Variants in CSF2RA observed in about 807,000 individuals in gnomAD.
CSF2RA encodes the protein colony stimulating factor 2 receptor subunit alpha, also known as granulocyte-macrophage colony-stimulating factor receptor subunit alpha.
Under a neutral mutation model 51.6 loss-of-function variants are expected in CSF2RA, and 42 were observed. The observed-to-expected ratio is 0.81, with a 90% CI of 0.64 to 1.05. The LOEUF (loss-of-function observed/expected upper bound fraction) is 1.05, where lower values mean the gene tolerates loss of function less well. CSF2RA is among the 50% of genes least tolerant of loss of function. The probability of loss-of-function intolerance (pLI) is 0.00; values close to 1 mark genes in which losing one functional copy is unlikely to be tolerated. For synonymous variants in CSF2RA, 222 were observed against 193.0 expected (o/e 1.15, Z -1.24); for missense variants, 530 against 501.1 (o/e 1.06, Z -0.55).
chrX:1,305,749 A>G, intron 12 of CSF2RA: 5 of 1,551,756 alleles, frequency 3.2e-6, no homozygotes, highest in Non-Finnish European at 3.5e-6. Flanking sequence ...CCATCAGGAG[A>G]AACTGAGGCA....
Position 1,288,905 on chromosome X carries a change from T to A in CSF2RA, c.473+17T>A, listed in dbSNP as rs748398430. On this transcript the variant is annotated intron_variant, in intron 6 of 12. Transcript: ENST00000381529. ...AAACTCAAAGTAAGTGTTCACCTCATGTGAAGAATTATGAGGAATGCAGGG... is the reference window on the plus strand; with the variant it reads ...AAACTCAAAGTAAGTGTTCACCTCAAGTGAAGAATTATGAGGAATGCAGGG... 4.3e-5 allele frequency: 14 copies of A among 323,326 alleles called. No individual in the cohort carries two copies. In the East Asian group the frequency reaches 1.1e-3, roughly 26 times the overall value. The allele number at this position is 323,326 out of a possible 1,614,324, so 20.0% of individuals were successfully genotyped here.
At chrX:1,302,707 A>T (rs1286401562) in intron 10 of CSF2RA, among the ~76,000 whole-genome samples, 2 of 140,590 alleles carry the variant, frequency 1.4e-5, no homozygotes, top group African/African-American at 2.7e-5. Context: ...TTATTTATTT[A>T]TTTTGAGATG....
chrX:1,323,736 T>C, the CSF2RA span, among the ~76,000 whole-genome samples: 473 of 151,322 alleles, frequency 3.1e-3, no homozygotes, highest in East Asian at 0.024. Flanking sequence ...AAATGCAGGC[T>C]GGGCGCAGTG....
intron 3 of CSF2RA, chrX:1,285,555 C>A: frequency 1.7e-6 from 1 of 601,750 alleles, no homozygotes; most frequent in Non-Finnish European, 2.9e-6. Context: ...ATTAGCTGGG[C>A]ATGGTGGTCG....
At chrX:1,318,797 A>T in the CSF2RA span, among the ~76,000 whole-genome samples, 1 of 149,538 alleles carries the variant, frequency 6.7e-6, no homozygotes, top group Non-Finnish European at 1.5e-5. Flanking sequence ...GGCACCTGTA[A>T]TCCCAGCTAC....
intron 2 of CSF2RA, among the ~76,000 whole-genome samples, chrX:1,277,699 G>A (rs1206824398): frequency 1.2e-4 from 18 of 149,200 alleles, no homozygotes; most frequent in East Asian, 6.0e-4. Flanking sequence ...TCCAGAGGCC[G>A]GGCGCAGTGG....
intron 3 of CSF2RA, among the ~76,000 whole-genome samples, chrX:1,283,229 C>T (rs183582659): frequency 6.9e-6 from 1 of 143,960 alleles, no homozygotes; most frequent in Admixed American, 7.0e-5. Flanking sequence ...CCTGCCCTCC[C>T]TCTTTCCATC....
Position 1,300,490 on chromosome X carries a change from G to A in CSF2RA, c.811-1G>A, listed in dbSNP as rs1410341398. On this transcript the variant is annotated splice_acceptor_variant, in intron 9 of 12. Coordinates refer to ENST00000381529, the MANE Select transcript of CSF2RA (RefSeq NM_172245.4). LOFTEE classifies it high-confidence loss of function. The stretch of plus-strand genomic sequence containing the variant: ...CTCTAACTTTCTTTTTTCCTCCAAA[G>A]ATTAATGTTTCTGGTGATTTGGAAA... 6.2e-7 allele frequency: 1 copy of A among 1,613,882 alleles called. No homozygotes were observed.
chrX:1,314,319 A>G (rs375364460), downstream of CSF2RA, among the ~76,000 whole-genome samples: 36,551 of 62,962 alleles, frequency 0.58, 10,908 homozygotes, highest in Non-Finnish European at 0.61. Context: ...CTGCCCAACC[A>G]CACTGCACCT....
At chrX:1,318,388 T>G in the CSF2RA span, among the ~76,000 whole-genome samples, 6 of 150,830 alleles carry the variant, frequency 4.0e-5, no homozygotes, top group African/African-American at 1.5e-4. Context: ...GTCTTGAACT[T>G]TCTACCTCAC....
intron 3 of CSF2RA, among the ~76,000 whole-genome samples, chrX:1,283,514 T>C (rs1156519672): frequency 3.3e-5 from 5 of 149,700 alleles, no homozygotes; most frequent in East Asian, 2.0e-4. Flanking sequence ...CCTTTTTTTT[T>C]CTCCTTCTTT....
At chrX:1,291,272 CTTCTTTT>C (rs1296852554) in intron 7 of CSF2RA, among the ~76,000 whole-genome samples, 4 of 78,602 alleles carry the variant, frequency 5.1e-5, no homozygotes, top group African/African-American at 1.1e-4. Context: ...TTCTGCCTTT[CTTCTTTT>C]TTCTTCCTTC....
intron 4 of CSF2RA, chrX:1,287,024 A>G (rs764465698): frequency 6.6e-6 from 1 of 152,218 alleles, no homozygotes; most frequent in South Asian, 2.1e-4. Flanking sequence ...ATCGATAGAT[A>G]GGTGATAGAT....
intron 1 of CSF2RA, among the ~76,000 whole-genome samples, chrX:1,273,498 G>GTT (rs201943280): frequency 4.0e-5 from 6 of 148,620 alleles, no homozygotes; most frequent in East Asian, 4.0e-4. Flanking sequence ...TTTGTTTTTT[G>GTT]TTTTTTTTTT....
In CSF2RA at chrX:1,290,447, A is replaced by C. The variant is rs1361648976; in HGVS notation, c.584A>C (p.Asn195Thr). The C allele has an allele frequency of 1.2e-6, 2 of 1,613,788 alleles. No homozygotes were observed. Among genetic ancestry groups the C allele is most frequent in the Non-Finnish European group, 1.7e-6 (2 of 1,179,860 alleles). Residue 195 changes from asparagine to threonine, a missense_variant, in exon 7 of 13, where the codon AAC becomes ACC. By Grantham distance (65) the Asn-to-Thr change is moderately conservative (BLOSUM62 0). Transcript: ENST00000381529. The stretch of plus-strand genomic sequence containing the variant: ...ACGTCTCGCAATTACTTTCTGGTTA[A>C]CGGAACCAGCCGAGAAATTGGCATC... ...GLTSRNYFLVNGTSREIGIQF... is the reference protein window; with the variant it reads ...GLTSRNYFLVTGTSREIGIQF...
At chrX:1,277,593 CAAAAA>C (rs749833246) in intron 2 of CSF2RA, among the ~76,000 whole-genome samples, 2 of 70,434 alleles carry the variant, frequency 2.8e-5, no homozygotes, top group East Asian at 5.1e-4. Context: ...AAGTCCATCT[CAAAAA>C]AAAAAAAAAA....
chrX:1,279,904 C>G (rs1221009254), intron 2 of CSF2RA, among the ~76,000 whole-genome samples: 9 of 151,956 alleles, frequency 5.9e-5, no homozygotes, highest in Non-Finnish European at 2.9e-5. Context: ...ATTCTCCTGC[C>G]TCAACCTCCC....
chrX:1,314,591 C>T (rs766776882), downstream of CSF2RA, among the ~76,000 whole-genome samples: 2,838 of 13,082 alleles, frequency 0.22, 830 homozygotes, highest in Non-Finnish European at 0.39. Flanking sequence ...AACCCCACTG[C>T]ACCTGCCCAA....
chrX:1,288,015 G>T (rs754017231), intron 4 of CSF2RA, among the ~76,000 whole-genome samples: 179 of 152,048 alleles, frequency 1.2e-3, no homozygotes, highest in African/African-American at 3.8e-3. Context: ...GGGATTACAG[G>T]TGTGAGCCAC....
Sources: allele counts gnomAD v4.1 joint callset (sites outside exome capture counted in the v4.1 genomes callset), GRCh38; gene constraint gnomAD v4.1.1; transcripts MANE v1.5; gene names NCBI Gene and HGNC (gene_info 2026-07-23, HGNC 2026-07-21).